CCDC33: variants seen among roughly 807,000 people sequenced by gnomAD.
CCDC33 encodes coiled-coil domain containing 33.
Under a neutral mutation model 91.9 loss-of-function variants are expected in CCDC33, and 94 were observed. The ratio of observed to expected loss-of-function variants is 1.02; its 90% confidence interval spans 0.87 to 1.21. CCDC33 has a LOEUF of 1.21. Among genes scored for constraint, CCDC33 ranks in the 50% most tolerant of loss-of-function variants. CCDC33 has a pLI of 0.00. For missense variants in CCDC33, 940 were observed against 935.5 expected (o/e 1.00, Z -0.06); for synonymous variants, 396 against 374.5 (o/e 1.06, Z -0.66).
chr15:74,231,851 C>T (rs2074981764), upstream of CCDC33, among the ~76,000 whole-genome samples: 1 of 152,052 alleles, frequency 6.6e-6, no homozygotes, highest in South Asian at 2.1e-4. Flanking sequence ...CTTGTCTCTA[C>T]TGAAAATACA....
intron 10 of CCDC33, among the ~76,000 whole-genome samples, chr15:74,294,616 G>A (rs549150316): frequency 2.0e-5 from 3 of 151,954 alleles, no homozygotes; most frequent in South Asian, 2.1e-4. Context: ...GTGTGGTGGC[G>A]GATGCCTGTA....
chr15:74,257,205 G>T (rs904991960), intron 2 of CCDC33, among the ~76,000 whole-genome samples: 3 of 152,222 alleles, frequency 2.0e-5, no homozygotes, highest in Non-Finnish European at 4.4e-5. Flanking sequence ...TGAAACCCAG[G>T]ATGAGAGTCC....
chr15:74,310,910 G>C (rs2059981440), intron 11 of CCDC33, among the ~76,000 whole-genome samples: 1 of 152,236 alleles, frequency 6.6e-6, no homozygotes. Flanking sequence ...TGAACACAGG[G>C]ATTACTGGGG....
At chr15:74,314,220 T>C (rs1034975000) in intron 11 of CCDC33, among the ~76,000 whole-genome samples, 8 of 152,350 alleles carry the variant, frequency 5.3e-5, no homozygotes, top group African/African-American at 1.9e-4. Flanking sequence ...TGATTTACTA[T>C]GCCACACTGC....
intron 17 of CCDC33, 131 bp from the exon 18 acceptor site, chr15:74,334,844 A>G (rs2060529644): frequency 2.6e-6 from 2 of 759,372 alleles, no homozygotes; most frequent in Non-Finnish European, 2.3e-6. Context: ...GGTCTCGGGA[A>G]GGTGTCAAGC....
Position 74,220,804 on chromosome 15 carries a change from G to A in CCDC33, c.675+1943G>A, listed in dbSNP as rs541297723. Among the ~76,000 whole-genome samples, 175 of 152,274 alleles carry A rather than the reference G, an allele frequency of 1.1e-3. 1 individual carries two copies. The highest frequency in any genetic ancestry group is 2.0e-3 in the Non-Finnish European group (133 of 68,012). On this transcript the variant is annotated intron_variant, in intron 2 of 2. Coordinates refer to the CCDC33 transcript ENST00000635913. ...GAGAGTCAGCAATCATAACCCTGAC[G>A]ACAGGGCCAGGAAGCACAAGGGAGC...
chr15:74,206,567 C>T (rs532207207), intron 1 of CCDC33, among the ~76,000 whole-genome samples: 1 of 152,148 alleles, frequency 6.6e-6, no homozygotes, highest in Non-Finnish European at 1.5e-5. Context: ...GGCACTGATA[C>T]CCAGGAAGGC....
chr15:74,276,950 G>C (rs956531129), intron 7 of CCDC33, among the ~76,000 whole-genome samples: 20 of 152,170 alleles, frequency 1.3e-4, no homozygotes, highest in African/African-American at 2.4e-4. Flanking sequence ...TTGTGTGTGT[G>C]TGTCTGTCTG....
intron 10 of CCDC33, among the ~76,000 whole-genome samples, chr15:74,285,488 T>G (rs116141953): frequency 7.0e-4 from 107 of 152,106 alleles, no homozygotes; most frequent in African/African-American, 2.5e-3. Context: ...TATGGCTGAG[T>G]GATAGAAATG....
chr15:74,262,064 GA>G (rs56378443), intron 2 of CCDC33, among the ~76,000 whole-genome samples: 151,115 of 152,286 alleles, frequency 0.99, 74,995 homozygotes, highest in East Asian at 1. Flanking sequence ...TCCTCCCACC[GA>G]AACAGAACCT....
At chr15:74,277,507 G>A (rs1410391358) in intron 7 of CCDC33, among the ~76,000 whole-genome samples, 4 of 152,216 alleles carry the variant, frequency 2.6e-5, no homozygotes, top group South Asian at 2.1e-4. Flanking sequence ...ACAGCTGAGG[G>A]TTAATGACAT....
chr15:74,244,882 C>A lies in CCDC33; in HGVS notation c.185+734C>A, dbSNP rs116093171. On this transcript the variant is annotated intron_variant, in intron 2 of 18. Coordinates refer to ENST00000398814, the MANE Select transcript of CCDC33 (RefSeq NM_025055.5). The surrounding 1 kb of genome is among the most constrained non-coding windows in gnomAD (Gnocchi z 4.2). ...CACCCCTAGACCTTCTATAGACAGA[C>A]GGCGGGAGCCTTGGTGGCCTCCCAC... Among the ~76,000 whole-genome samples the A allele has an allele frequency of 3.9e-5, 6 of 152,296 alleles. No individual in the cohort carries two copies. Among genetic ancestry groups the A allele is most frequent in the Admixed American group, 3.9e-4 (6 of 15,310 alleles).
At chr15:74,219,007 C>A (rs1012471473) in intron 2 of CCDC33, 1 of 835,636 alleles carries the variant, frequency 1.2e-6, no homozygotes, top group Non-Finnish European at 1.6e-6. Context: ...GTCTGAGGAA[C>A]GTGCAGTCTG....
At chr15:74,334,938 C>T (rs773384447) in intron 17 of CCDC33, 37 bp from the exon 18 acceptor site, 25 of 1,506,360 alleles carry the variant, frequency 1.7e-5, no homozygotes, top group Non-Finnish European at 2.0e-5. Flanking sequence ...AGCCCTGCTG[C>T]CCATGGTCCT....
chr15:74,261,093 C>G (rs893828556), intron 2 of CCDC33, among the ~76,000 whole-genome samples: 1 of 152,146 alleles, frequency 6.6e-6, no homozygotes, highest in African/African-American at 2.4e-5. Flanking sequence ...ACCCAAAATG[C>G]CCAGCTGCAG....
intron 1 of CCDC33, among the ~76,000 whole-genome samples, chr15:74,241,367 G>GGA (rs1037891990): frequency 6.6e-5 from 10 of 152,232 alleles, no homozygotes; most frequent in Non-Finnish European, 1.5e-4. Context: ...CAAGGCACAG[G>GGA]GATGACAGTT....
exon 1 of CCDC33, chr15:74,217,218 G>T: frequency 8.3e-7 from 1 of 1,198,566 alleles, no homozygotes; most frequent in African/African-American, 1.6e-5. Context: ...GTCCAGGCTG[G>T]GCTGTGGGTG....
intron 1 of CCDC33, among the ~76,000 whole-genome samples, chr15:74,238,646 A>T (rs1038905763): frequency 6.6e-6 from 1 of 152,124 alleles, no homozygotes; most frequent in Non-Finnish European, 1.5e-5. Context: ...ATAGATTTTT[A>T]AAATGTAATC....
chr15:74,283,179 TAGAAGCAACAAA>T (rs2059401694), intron 10 of CCDC33, among the ~76,000 whole-genome samples: 1 of 152,036 alleles, frequency 6.6e-6, no homozygotes, highest in Admixed American at 6.5e-5. Context: ...CTCTCAAGGG[TAGAAGCAACAAA>T]CCCCAAGAAA....
Sources: gnomAD v4.1 joint callset for allele counts (sites outside exome capture counted in the v4.1 genomes callset) on GRCh38, gnomAD v4.1.1 for gene constraint, Gnocchi (gnomAD v3.1) non-coding constraint, MANE v1.5 for transcripts, NCBI Gene and HGNC (gene_info 2026-07-23, HGNC 2026-07-21) for gene names.